The following MTAP variants were observed in gnomAD, a reference collection of about 807,000 sequenced individuals.
MTAP encodes S-methyl-5'-thioadenosine phosphorylase.
In MTAP, 33 loss-of-function variants were observed where a neutral mutation model predicts 33.6. The observed-to-expected ratio is 0.98, with a 90% CI of 0.74 to 1.31. The LOEUF (loss-of-function observed/expected upper bound fraction) is 1.31, where lower values mean the gene tolerates loss of function less well. Ranked by LOEUF, MTAP falls within the 40% of genes most tolerant of loss-of-function variation. The pLI is 0.00. For missense variants in MTAP, 367 were observed against 360.0 expected (o/e 1.02, Z -0.16); for synonymous variants, 148 against 125.7 (o/e 1.18, Z -1.19).
At chr9:21,878,849 A>G (rs930831373) in intron 1 of MTAP, among the ~76,000 whole-genome samples, 6 of 152,194 alleles carry the variant, frequency 3.9e-5, no homozygotes, top group African/African-American at 1.4e-4. Context: ...TTTAATTTCT[A>G]TGTAATTGCA....
At chr9:21,931,001 C>G in intron 1 of MTAP, 1 of 762,204 alleles carries the variant, frequency 1.3e-6, no homozygotes, top group Non-Finnish European at 2.4e-6. Flanking sequence ...CTTTCTCTCA[C>G]CTTTAGATGA....
chr9:21,886,686 A>AT (rs1464174550), intron 1 of MTAP, among the ~76,000 whole-genome samples: 3 of 152,138 alleles, frequency 2.0e-5, no homozygotes, highest in Non-Finnish European at 4.4e-5. Flanking sequence ...CATTTGTTGA[A>AT]TAGGGTGTCC....
intron 1 of MTAP, among the ~76,000 whole-genome samples, chr9:21,886,533 A>G (rs991600860): frequency 1.9e-4 from 29 of 152,128 alleles, no homozygotes; most frequent in South Asian, 6.2e-4. Context: ...ACCTAAGCCA[A>G]TGTCTAGAAG....
rs547831769 is a variant in MTAP at position 21,928,389 on chromosome 9, A to G, written c.148-2619A>G. 1.1e-4 allele frequency among the ~76,000 whole-genome samples: 16 copies of G among 152,292 alleles called. No homozygotes were observed. In the South Asian group the frequency reaches 1.5e-3, roughly 14 times the overall value. ...CTCCATAATAAGTCAAATCCAAAGG[A>G]GAGGTACATACTCTGGGGAGGACTG... On this transcript the variant is annotated intron_variant, in intron 1 of 1. Coordinates refer to the MTAP transcript ENST00000577563.
chr9:21,913,912 A>G (rs1003552772), intron 1 of MTAP, among the ~76,000 whole-genome samples: 1 of 152,226 alleles, frequency 6.6e-6, no homozygotes, highest in Non-Finnish European at 1.5e-5. Flanking sequence ...AGAATCCACA[A>G]CGAACTCAAA....
At chr9:21,881,632 G>C (rs1008057429) in intron 1 of MTAP, among the ~76,000 whole-genome samples, 31 of 152,012 alleles carry the variant, frequency 2.0e-4, no homozygotes, top group African/African-American at 7.5e-4. Flanking sequence ...ATGCATTGCT[G>C]CTTGACATCA....
At chr9:21,870,067 C>A (rs1184736774), downstream of MTAP, among the ~76,000 whole-genome samples, 1 of 152,144 alleles carries the variant, frequency 6.6e-6, no homozygotes, top group Non-Finnish European at 1.5e-5. Flanking sequence ...GTTCCTTCTA[C>A]CTGGAACACT....
intron 4 of MTAP, among the ~76,000 whole-genome samples, chr9:21,836,275 G>A (rs1454620966): frequency 6.6e-6 from 1 of 152,216 alleles, no homozygotes; most frequent in African/African-American, 2.4e-5. Context: ...AAAGAAAAAT[G>A]CATGAGAGGA....
At chr9:21,861,948 A>G (rs1825763798) in intron 7 of MTAP, 28 bp from the exon 8 acceptor site, 2 of 1,288,136 alleles carry the variant, frequency 1.6e-6, no homozygotes, top group Non-Finnish European at 1.1e-6. Context: ...CAACATGTGA[A>G]TATCACTGCC....
At position 21,915,055 on chromosome 9, in the gene MTAP, C is replaced by CCTTCCTTTCTTT. The variant is rs1554649248; in HGVS notation, c.148-15950_148-15949insCCTTTCTTTCTT. Among the ~76,000 whole-genome samples, 16 of 25,876 alleles carry CCTTCCTTTCTTT rather than the reference C, an allele frequency of 6.2e-4. 1 individual carries two copies. Among genetic ancestry groups the CCTTCCTTTCTTT allele is most frequent in the Non-Finnish European group, 7.5e-4 (11 of 14,578 alleles). The allele number at this position is 25,876 out of a possible 152,430, so 17.0% of individuals were successfully genotyped here. On this transcript the variant is annotated intron_variant, in intron 1 of 1. Coordinates refer to the MTAP transcript ENST00000577563. ...TCCTTCCTTCCTTCCTTCCTTCCTTCCTTTCTTTCTTTCTTTCTTTCTTTC... is the reference window on the plus strand; with the variant it reads ...TCCTTCCTTCCTTCCTTCCTTCCTTCCTTCCTTTCTTTCTTTCTTTCTTTCTTTCTTTCTTTC...
At chr9:21,899,748 G>C (rs541071306) in intron 1 of MTAP, among the ~76,000 whole-genome samples, 3 of 152,066 alleles carry the variant, frequency 2.0e-5, no homozygotes, top group Non-Finnish European at 4.4e-5. Context: ...CTTGACACGT[G>C]GGTATTATGC....
In MTAP at chr9:21,922,928, C is replaced by T. The variant is rs1308765822; in HGVS notation, c.148-8080C>T. ...AACACTGTGCAATGTCTGCAATTTC[C>T]TCTGCTTTTTCAAATACAATTGTCT... On this transcript the variant is annotated intron_variant, in intron 1 of 1. Coordinates refer to the MTAP transcript ENST00000577563. This position sits in a 1 kb window ranked among gnomAD's most constrained non-coding sequence, Gnocchi z 4.8. 6.6e-6 allele frequency among the ~76,000 whole-genome samples: 1 copy of T among 152,154 alleles called. No individual in the cohort carries two copies. The highest frequency in any genetic ancestry group is 1.5e-5 in the Non-Finnish European group (1 of 68,030).
chr9:21,880,558 G>GT (rs1378128880), intron 1 of MTAP, among the ~76,000 whole-genome samples: 1 of 152,054 alleles, frequency 6.6e-6, no homozygotes, highest in Non-Finnish European at 1.5e-5. Flanking sequence ...CAGCAAGGTT[G>GT]TAAGATACAA....
At chr9:21,902,099 G>T (rs1385030851) in intron 1 of MTAP, among the ~76,000 whole-genome samples, 1 of 152,178 alleles carries the variant, frequency 6.6e-6, no homozygotes, top group African/African-American at 2.4e-5. Flanking sequence ...AGAGTAATTC[G>T]CTAAACGATA....
intron 5 of MTAP, among the ~76,000 whole-genome samples, chr9:21,839,057 T>C (rs1448161184): frequency 6.6e-6 from 1 of 152,188 alleles, no homozygotes. Context: ...GGGAGAAATA[T>C]TTCTAGTCTC....
At chr9:21,871,123 A>T (rs1164871518), downstream of MTAP, among the ~76,000 whole-genome samples, 1 of 152,118 alleles carries the variant, frequency 6.6e-6, no homozygotes, top group Non-Finnish European at 1.5e-5. Flanking sequence ...ATTTTGTAAA[A>T]TTTACTTTGA....
chr9:21,886,050 A>T (rs1234588737), intron 1 of MTAP, among the ~76,000 whole-genome samples: 1 of 151,752 alleles, frequency 6.6e-6, no homozygotes, highest in Non-Finnish European at 1.5e-5. Flanking sequence ...TGTTTTCCAC[A>T]GTGGTTGTAC....
intron 6 of MTAP, among the ~76,000 whole-genome samples, chr9:21,855,458 A>G (rs1391264439): frequency 2.6e-5 from 4 of 152,232 alleles, no homozygotes; most frequent in Non-Finnish European, 5.9e-5. Flanking sequence ...GACCAGACCA[A>G]ATATTTGAAG....
At chr9:21,828,524 A>T (rs966595829) in intron 4 of MTAP, among the ~76,000 whole-genome samples, 3 of 152,130 alleles carry the variant, frequency 2.0e-5, no homozygotes, top group Admixed American at 6.5e-5. Context: ...AAATACAAAA[A>T]AAAAGTAGCC....
Sources: gnomAD v4.1 joint callset for allele counts (sites outside exome capture counted in the v4.1 genomes callset) on GRCh38, gnomAD v4.1.1 for gene constraint, Gnocchi (gnomAD v3.1) non-coding constraint, MANE v1.5 for transcripts, NCBI Gene and HGNC (gene_info 2026-07-23, HGNC 2026-07-21) for gene names.